SRD5A1: variants seen among roughly 807,000 people sequenced by gnomAD.
SRD5A1 encodes the protein steroid 5 alpha-reductase 1.
SRD5A1 carries 22 observed loss-of-function variants against 28.2 expected under a neutral mutation model. That is an observed-to-expected ratio of 0.78 (90% CI 0.56 to 1.12). SRD5A1 has a LOEUF of 1.12. SRD5A1 is among the 50% of genes most tolerant of loss of function. The pLI is 0.00. For missense variants in SRD5A1, 300 were observed against 346.7 expected, an observed-to-expected ratio of 0.87 and a Z score of 1.07; for synonymous variants, 151 against 135.0, an observed-to-expected ratio of 1.12 and a Z score of -0.82.
intron 1 of SRD5A1, among the ~76,000 whole-genome samples, chr5:6,634,237 G>GA (rs1738101627): frequency 6.6e-6 from 1 of 152,252 alleles, no homozygotes; most frequent in South Asian, 2.1e-4. Context: ...TGAGATGGAA[G>GA]AATCGCTTGA....
rs1177780790 is a variant in SRD5A1, at chr5:6,674,169, A to T, written c.*5901A>T. 1.3e-5 allele frequency: 2 copies of T among 150,530 alleles called. No homozygotes were observed. The highest frequency in any genetic ancestry group is 5.0e-5 in the African/African-American group (2 of 40,126). 9.3% of individuals were successfully genotyped at this position (150,530 alleles called of 1,614,324 possible). On this transcript the variant is annotated 3_prime_UTR_variant, in exon 5 of 5. Transcript: ENST00000274192. ...TCATTATTATCTAAAATGTTATTTA[A>T]TTATTAAATTTAGATGCTACTTAAT...
At chr5:6,666,299 C>T (rs1739174379) in intron 4 of SRD5A1, among the ~76,000 whole-genome samples, 1 of 152,118 alleles carries the variant, frequency 6.6e-6, no homozygotes, top group South Asian at 2.1e-4. Context: ...AGGTGCCCGC[C>T]ACCATGCCCG....
At chr5:6,666,761 C>T (rs983590643) in intron 4 of SRD5A1, among the ~76,000 whole-genome samples, 1 of 152,198 alleles carries the variant, frequency 6.6e-6, no homozygotes, top group African/African-American at 2.4e-5. Context: ...CATGTTCTTT[C>T]TGATGTCACG....
intron 1 of SRD5A1, chr5:6,644,842 A>G (rs759455672): frequency 2.1e-4 from 94 of 455,782 alleles, no homozygotes; most frequent in Middle Eastern, 1.3e-3. Flanking sequence ...CAGTGTGCCT[A>G]CATCCCAAAT....
intron 3 of SRD5A1, among the ~76,000 whole-genome samples, chr5:6,658,581 G>C (rs1579411023): frequency 6.6e-6 from 1 of 152,188 alleles, no homozygotes; most frequent in Admixed American, 6.5e-5. Flanking sequence ...AAGCTTGGCT[G>C]TAACTCTCAG....
intron 3 of SRD5A1, among the ~76,000 whole-genome samples, chr5:6,660,984 A>G (rs1738982418): frequency 6.6e-6 from 1 of 152,184 alleles, no homozygotes; most frequent in Non-Finnish European, 1.5e-5. Context: ...CACTATCACA[A>G]GAAACCGCCT....
intron 3 of SRD5A1, among the ~76,000 whole-genome samples, chr5:6,662,607 TG>T (rs1302604434): frequency 6.6e-6 from 1 of 152,230 alleles, no homozygotes; most frequent in Non-Finnish European, 1.5e-5. Flanking sequence ...AGACAGGTAT[TG>T]ATATACATAT....
intron 4 of SRD5A1, among the ~76,000 whole-genome samples, 186 bp downstream of exon 4, chr5:6,663,152 C>T (rs1389245636): frequency 6.6e-6 from 1 of 152,200 alleles, no homozygotes; most frequent in Non-Finnish European, 1.5e-5. Flanking sequence ...ATCAGGTCCA[C>T]ATCAGCACAG....
chr5:6,634,828 T>C (rs1738130811), intron 1 of SRD5A1, among the ~76,000 whole-genome samples: 2 of 152,400 alleles, frequency 1.3e-5, no homozygotes, highest in South Asian at 2.1e-4. Flanking sequence ...TCGTATCTTT[T>C]GGCTTTTACA....
intron 2 of SRD5A1, among the ~76,000 whole-genome samples, chr5:6,653,003 A>C (rs764537950): frequency 3.9e-5 from 6 of 152,176 alleles, no homozygotes; most frequent in Admixed American, 3.9e-4. Flanking sequence ...AGCATGCTAA[A>C]AGTCTGAAGT....
chr5:6,654,434 T>TTGTTTG (rs1554001873), intron 2 of SRD5A1, among the ~76,000 whole-genome samples: 4,274 of 151,452 alleles, frequency 0.028, 106 homozygotes, highest in Non-Finnish European at 0.045. Flanking sequence ...TAAGTTTTTT[T>TTGTTTG]TTTGTTTGTT....
intron 1 of SRD5A1, chr5:6,644,751 A>G (rs1051150426): frequency 5.0e-6 from 2 of 403,274 alleles, no homozygotes; most frequent in Non-Finnish European, 9.9e-6. Context: ...GGAGCCTATG[A>G]CAGTCCAAGA....
chr5:6,655,932 T>G (rs969232725), intron 2 of SRD5A1, 146 bp from the exon 3 acceptor site: 69 of 631,528 alleles, frequency 1.1e-4, no homozygotes, highest in Non-Finnish European at 1.8e-4. Flanking sequence ...CAGTCCTTAA[T>G]GGTTTTTACT....
intron 1 of SRD5A1, among the ~76,000 whole-genome samples, chr5:6,648,412 C>T (rs977082754): frequency 1.3e-5 from 2 of 152,184 alleles, no homozygotes; most frequent in Non-Finnish European, 2.9e-5. Flanking sequence ...CTTTCAGGTA[C>T]AAGAGTCAAA....
In SRD5A1 at chr5:6,633,858, C is replaced by G. The variant is rs1209786631; in HGVS notation, c.282C>G (p.His94Gln). ...TCCTCCTGGCCATGTTCCTCGTCCA[C>G]TACGGGCATCGGTAACGTCCCCGGC... ...NCILLAMFLV[H>Q]YGHRCLIYPF... Residue 94 changes from histidine (H) to glutamine (Q), a missense_variant, in exon 1 of 5, where the codon CAC (histidine) becomes CAG (glutamine). Physicochemically the swap from His to Gln is conservative, Grantham distance 24. Transcript: ENST00000274192. 4.4e-6 allele frequency: 7 copies of G among 1,597,014 alleles called. No homozygotes were observed. Among genetic ancestry groups the G allele is most frequent in the Admixed American group, 1.7e-5 (1 of 59,918 alleles).
chr5:6,656,409 A>G (rs1171078115), intron 3 of SRD5A1, among the ~76,000 whole-genome samples: 1 of 152,234 alleles, frequency 6.6e-6, no homozygotes, highest in African/African-American at 2.4e-5. Flanking sequence ...CTCCAGTTAT[A>G]TCTGTGCTTG....
intron 1 of SRD5A1, among the ~76,000 whole-genome samples, chr5:6,639,059 C>T (rs544390346): frequency 6.6e-6 from 1 of 152,330 alleles, no homozygotes; most frequent in African/African-American, 2.4e-5. Context: ...TGAAAGATGA[C>T]GTCCAGACGC....
At chr5:6,658,146 A>G (rs896572851) in intron 3 of SRD5A1, among the ~76,000 whole-genome samples, 35 of 152,124 alleles carry the variant, frequency 2.3e-4, no homozygotes, top group Non-Finnish European at 7.4e-5. Context: ...CCAACATGGT[A>G]AAACCCCATC....
intron 3 of SRD5A1, among the ~76,000 whole-genome samples, chr5:6,662,197 G>A (rs771126657): frequency 9.9e-5 from 15 of 152,176 alleles, no homozygotes; most frequent in Non-Finnish European, 1.9e-4. Context: ...CCTTCCCTGT[G>A]GCCTGTTGCC....
Sources: gnomAD v4.1 joint callset for allele counts (sites outside exome capture counted in the v4.1 genomes callset) on GRCh38, gnomAD v4.1.1 for gene constraint, MANE v1.5 for transcripts, NCBI Gene and HGNC (gene_info 2026-07-23, HGNC 2026-07-21) for gene names.